POLRMT: variants seen among roughly 807,000 people sequenced by gnomAD.
POLRMT encodes RNA polymerase mitochondrial.
In POLRMT, 114 loss-of-function variants were observed where a neutral mutation model predicts 132.2. That is an observed-to-expected ratio of 0.86 (90% CI 0.74 to 1.01). The LOEUF (loss-of-function observed/expected upper bound fraction) is 1.01. Among genes scored for constraint, POLRMT ranks in the 50% least tolerant of loss-of-function variants. POLRMT has a pLI of 0.00. For synonymous variants in POLRMT, 1,020 were observed against 773.4 expected (o/e 1.32, Z -5.29); for missense variants, 2,003 against 1,729.1 (o/e 1.16, Z -2.81).
At chr19:625,394 C>A (rs1984954570) in intron 3 of POLRMT, 140 bp from the exon 4 acceptor site, 1 of 1,109,012 alleles carries the variant, frequency 9.0e-7, no homozygotes, top group African/African-American at 1.6e-5. Context: ...GCTGGGCAGA[C>A]CGATGCATCC....
At chr19:622,436 C>A in intron 8 of POLRMT, 63 bp from the exon 9 acceptor site, 1 of 1,476,736 alleles carries the variant, frequency 6.8e-7, no homozygotes, top group South Asian at 1.3e-5. Flanking sequence ...CCCCACCGCC[C>A]GTGCCTGACG....
At chr19:626,696 C>CA (rs59746130) in intron 3 of POLRMT, among the ~76,000 whole-genome samples, 3,248 of 105,004 alleles carry the variant, frequency 0.031, 424 homozygotes, top group African/African-American at 0.13. Context: ...ACTAAAAATA[C>CA]AAAAAAAAAA....
In POLRMT at chr19:617,338, G is replaced by A. The variant is rs779254988; in HGVS notation, c.3644-15C>T. ...GTCGAAGGCCCCTGCGGAGGAAGCAGAGCGGACGGCGTGGGTGGCGGGAAA... is the reference window on the plus strand; with the variant it reads ...GTCGAAGGCCCCTGCGGAGGAAGCAAAGCGGACGGCGTGGGTGGCGGGAAA... On this transcript the variant is annotated splice_polypyrimidine_tract_variant and intron_variant, in intron 20 of 20. Coordinates refer to ENST00000588649, the MANE Select transcript of POLRMT (RefSeq NM_005035.4). 2.0e-5 allele frequency: 32 copies of A among 1,612,690 alleles called. No individual in the cohort carries two copies. The highest frequency in any genetic ancestry group is 2.5e-5 in the Non-Finnish European group (29 of 1,179,882).
Position 629,900 on chromosome 19 carries a change from C to T in POLRMT, c.462G>A (p.Lys154=). The stretch of plus-strand genomic sequence containing the variant: ...CCACCTGCAGGCGCCTGGTCAGCGC[C>T]TTGAACTCCCCGCTCTGGAATGGCA... ...LQMPFQSGEF[K]ALTRRLQVEP... The change falls in exon 3 of 21, where the codon AAG becomes AAA. Residue 154 remains lysine (K), a synonymous_variant. Transcript: ENST00000588649. The T allele has an allele frequency of 6.2e-7, 1 of 1,613,320 alleles. No homozygotes were observed. Among genetic ancestry groups the T allele is most frequent in the Non-Finnish European group, 8.5e-7 (1 of 1,179,918 alleles).
rs749246285 is a variant in POLRMT, at chr19:629,888, C to T, written c.474G>A (p.Arg158=). The change falls in exon 3 of 21, where the codon AGG becomes AGA. Residue 158 remains arginine, a synonymous_variant. Transcript: ENST00000588649. ...FQSGEFKALT[R]RLQVEPRLLS... ...GGAGCCGGGGCTCCACCTGCAGGCG[C>T]CTGGTCAGCGCCTTGAACTCCCCGC... The T allele has an allele frequency of 8.2e-5, 133 of 1,612,430 alleles. 2 individuals are homozygous for T. The Middle Eastern group carries it at 1.4e-3, about 17-fold the overall frequency.
In POLRMT at chr19:617,842, G is replaced by A; in HGVS notation, c.3430C>T (p.Leu1144=). Residue 1144 remains leucine (L), a synonymous_variant, in exon 18 of 21, where the codon CTG becomes TTG. Coordinates refer to ENST00000588649, the MANE Select transcript of POLRMT (RefSeq NM_005035.4). ...LTALHCYRKG[L]TFVSVHDCYW... ...CAGTCGTGCACAGAGACGAAGGTCA[G>A]GCCCTTCCTGTGGCAGAGCGGAGGA... The A allele has an allele frequency of 6.2e-7, 1 of 1,613,124 alleles. No homozygotes were observed. Among genetic ancestry groups the A allele is most frequent in the South Asian group, 1.1e-5 (1 of 91,082 alleles).
chr19:627,941 AAAAGAT>A (rs1488625532), intron 3 of POLRMT, among the ~76,000 whole-genome samples: 6 of 151,798 alleles, frequency 4.0e-5, no homozygotes, highest in Admixed American at 6.6e-5. Flanking sequence ...AAAAAAAAAA[AAAAGAT>A]AGAAGCAATG....
At position 621,023 on chromosome 19, in the gene POLRMT, C is replaced by CGG. The variant is rs748346776; in HGVS notation, c.2640+33_2640+34dup. On this transcript the variant is annotated intron_variant, in intron 10 of 20. Coordinates refer to ENST00000588649, the MANE Select transcript of POLRMT (RefSeq NM_005035.4). Reference sequence around the variant, plus strand: ...GCGCCGGGGGAGGGCGCGGGGGTGCCGGGAGGGCGGGGAATGCGGGGGCCC... The same window carrying CGG: ...GCGCCGGGGGAGGGCGCGGGGGTGCCGGGGGAGGGCGGGGAATGCGGGGGCCC... 490 of 1,308,080 alleles carry CGG rather than the reference C, an allele frequency of 3.7e-4. 6 individuals carry two copies. The highest frequency in any genetic ancestry group is 1.0e-3 in the East Asian group (30 of 29,906). 81.0% of individuals were successfully genotyped at this position (1,308,080 alleles called of 1,614,324 possible). A position where few individuals can be genotyped will look rare whatever the true frequency, so the allele number is the denominator to read the frequency against.
Position 621,447 on chromosome 19 carries a change from C to A in POLRMT, c.2251G>T (p.Ala751Ser), listed in dbSNP as rs774082417. 1.1e-5 allele frequency: 15 copies of A among 1,395,914 alleles called. 1 individual carries two copies. In the South Asian group the frequency reaches 1.5e-4, roughly 14 times the overall value. 86.5% of individuals were successfully genotyped at this position (1,395,914 alleles called of 1,614,324 possible). The change falls in exon 10 of 21, where the codon GCG (alanine) becomes TCG (serine). Residue 751 changes from alanine (A) to serine (S), a missense_variant. Coordinates refer to ENST00000588649, the MANE Select transcript of POLRMT (RefSeq NM_005035.4). ...PPEAHLPHSA[A>S]PARKAELRRE... is the part of the protein sequence containing the mutation. ...CGCAGCTCGGCCTTGCGGGCGGGCG[C>A]GGCGCTGTGCGGCAGGTGGGCCTCG... is the stretch of plus-strand genomic sequence containing the variant.
chr19:623,728 C>T (rs41542013), intron 5 of POLRMT, 125 bp from the exon 6 acceptor site: 173,883 of 1,223,332 alleles, frequency 0.14, 13,854 homozygotes, highest in Middle Eastern at 0.16. Flanking sequence ...CTATCGCTGA[C>T]GCGGGGAAAG....
chr19:618,737 G>A lies in POLRMT; in HGVS notation c.3291C>T (p.Ser1097=), dbSNP rs138334391. 1.2e-6 allele frequency: 2 copies of A among 1,606,552 alleles called. No individual in the cohort carries two copies. Among genetic ancestry groups the A allele is most frequent in the African/African-American group, 1.3e-5 (1 of 74,890 alleles). ...KVKQIGGGIQ[S]ITYTHNGDIS... ...TGTCTCCGTTGTGGGTGTAGGTGAT[G>A]CTCTGAATTCCACCTCCTATTTGCT... Residue 1097 remains serine, a synonymous_variant, in exon 16 of 21, where the codon AGC becomes AGT. Coordinates refer to ENST00000588649, the MANE Select transcript of POLRMT (RefSeq NM_005035.4).
chr19:618,798 C>A (rs1161511678), intron 15 of POLRMT, 38 bp from the exon 16 acceptor site: 1 of 1,562,462 alleles, frequency 6.4e-7, no homozygotes, highest in Non-Finnish European at 8.7e-7. Context: ...CCACCCGAGG[C>A]CCAGCACGGT....
At chr19:631,532 G>C (rs1158032941) in intron 2 of POLRMT, among the ~76,000 whole-genome samples, 2 of 151,930 alleles carry the variant, frequency 1.3e-5, no homozygotes, top group African/African-American at 2.4e-5. Context: ...CCAGCTACTC[G>C]GGAGGTTGAG....
At position 617,279 on chromosome 19, in the gene POLRMT, TGAA is replaced by T. The variant is rs1334880007; in HGVS notation, c.3685_3687del (p.Phe1229del). On this transcript the variant is annotated inframe_deletion, in exon 21 of 21. Transcript: ENST00000588649. ...CTGACAAGGCTCACGGGGTGTCAGC[TGAA>T]GAAGTAGGTGGAACGCTTCACCTGC... The T allele has an allele frequency of 6.2e-6, 10 of 1,612,634 alleles. No individual in the cohort carries two copies. The highest frequency in any genetic ancestry group is 5.3e-5 in the African/African-American group (4 of 74,904).
chr19:619,651 C>T lies in POLRMT; in HGVS notation c.3001G>A (p.Val1001Ile). The change falls in exon 13 of 21, where the codon GTC (valine) becomes ATC (isoleucine). Residue 1001 changes from valine (V) to isoleucine (I), a missense_variant. Physicochemically the swap from Val to Ile is conservative, Grantham distance 29. Coordinates refer to ENST00000588649, the MANE Select transcript of POLRMT (RefSeq NM_005035.4). The part of the protein sequence containing the change: ...KQTVMTVVYG[V>I]TRYGGRLQIE... ...TGCAGGCGCCCGCCATAGCGCGTGA[C>T]CCCGTACACCACCGTCATCACCGTC... The T allele has an allele frequency of 6.2e-7, 1 of 1,610,798 alleles. No homozygotes were observed. Among genetic ancestry groups the T allele is most frequent in the Non-Finnish European group, 8.5e-7 (1 of 1,179,634 alleles).
intron 9 of POLRMT, 28 bp from the exon 10 acceptor site, chr19:621,874 G>A (rs1342252891): frequency 1.9e-6 from 3 of 1,598,800 alleles, no homozygotes; most frequent in South Asian, 1.1e-5. Context: ...GACGGGTCAG[G>A]GCCCCGGTGC....
rs759832873 is a variant in POLRMT, at chr19:621,829, C to A, written c.1869G>T (p.Pro623=). The change falls in exon 10 of 21, where the codon CCG becomes CCT. Residue 623 remains proline (P), a synonymous_variant. Coordinates refer to ENST00000588649, the MANE Select transcript of POLRMT (RefSeq NM_005035.4). ...CCAGCAGCTGCACGTAGGCCGGGTG[C>A]GGCTTCAGGATGCCGATCTGGGGTG... The part of the protein sequence containing the change: ...RNVQQIGILK[P]HPAYVQLLEK... The A allele has an allele frequency of 3.1e-6, 5 of 1,602,116 alleles. No homozygotes were observed. The East Asian group carries it at 6.7e-5, about 21-fold the overall frequency.
In POLRMT at chr19:633,529, G is replaced by GGCGCCGCCGCCGCCGCCGCCGACGCCGCC. The variant is rs57880842; in HGVS notation, c.-18_-17insGGCGGCGTCGGCGGCGGCGGCGGCGGCGC. On this transcript the variant is annotated 5_prime_UTR_variant, in exon 1 of 21. Transcript: ENST00000588649. ...TGCCGACATTACGCACGCCGCTCCA[G>GGCGCCGCCGCCGCCGCCGCCGACGCCGCC]GCCACCCCACCGGCCCGCGCCTGCG... is the stretch of plus-strand genomic sequence containing the variant. 1 of 1,433,808 alleles carries GGCGCCGCCGCCGCCGCCGCCGACGCCGCC rather than the reference G, an allele frequency of 7.0e-7. No homozygotes were observed. The highest frequency in any genetic ancestry group is 1.5e-5 in the African/African-American group (1 of 65,532). The allele number at this position is 1,433,808 out of a possible 1,614,324, so 88.8% of individuals were successfully genotyped here.
rs376371137 is a variant in POLRMT at position 617,225 on chromosome 19, G to T, written c.*49C>A. 21 of 1,598,980 alleles carry T rather than the reference G, an allele frequency of 1.3e-5. No homozygotes were observed. In the East Asian group the frequency reaches 4.0e-4, roughly 31 times the overall value. ...ACCCTTCCTGAAGACAGTGGCTCCT[G>T]GGGGTGGCAAAAGAGCTTTATTTAC... is the stretch of plus-strand genomic sequence containing the variant. On this transcript the variant is annotated 3_prime_UTR_variant, in exon 21 of 21. Transcript: ENST00000588649.
Sources: gnomAD v4.1 joint callset for allele counts (sites outside exome capture counted in the v4.1 genomes callset) on GRCh38, gnomAD v4.1.1 for gene constraint, MANE v1.5 for transcripts, NCBI Gene and HGNC (gene_info 2026-07-23, HGNC 2026-07-21) for gene names.